The following SYTL5 variants were observed in gnomAD, a reference collection of about 807,000 sequenced individuals.
SYTL5 encodes synaptotagmin-like protein 5.
Under a neutral mutation model 55.9 loss-of-function variants are expected in SYTL5, and 34 were observed. The ratio of observed to expected loss-of-function variants is 0.61; its 90% CI spans 0.46 to 0.81. The LOEUF (loss-of-function observed/expected upper bound fraction) is 0.81. SYTL5 is among the 30% of genes least tolerant of loss of function. The pLI is 0.00. For synonymous variants in SYTL5, 221 were observed against 188.7 expected (o/e 1.17, Z -1.40); for missense variants, 637 against 546.7 (o/e 1.17, Z -1.65).
chrX:37,895,458 C>CCTTCCTTCCTTCCTTCCTTCCT, the SYTL5 span, among the ~76,000 whole-genome samples: 1 of 57,278 alleles, frequency 1.7e-5, no homozygotes, highest in African/African-American at 1.2e-4. Flanking sequence ...CCTTCCTTCC[C>CCTTCCTTCCTTCCTTCCTTCCT]TCCCTCCCTC....
At chrX:38,001,016 G>C in the SYTL5 span, among the ~76,000 whole-genome samples, 9 of 111,010 alleles carry the variant, frequency 8.1e-5, no homozygotes, top group Admixed American at 4.8e-4. Context: ...ATAAGCACAG[G>C]ATAGGGGTGT....
chrX:38,001,200 G>T, the SYTL5 span, among the ~76,000 whole-genome samples: 1 of 110,828 alleles, frequency 9.0e-6, no homozygotes, highest in South Asian at 3.9e-4. Flanking sequence ...TTTGATGCAG[G>T]TCTTCAATAC....
intron 2 of SYTL5, among the ~76,000 whole-genome samples, chrX:38,043,688 T>TATATAC (rs1210450618): frequency 1.5e-5 from 1 of 64,962 alleles, no homozygotes; most frequent in African/African-American, 8.3e-5. Flanking sequence ...TATATATATA[T>TATATAC]ATACATATAT....
chrX:38,046,306 T>C, intron 2 of SYTL5, among the ~76,000 whole-genome samples: 1 of 111,737 alleles, frequency 8.9e-6, no homozygotes, highest in Middle Eastern at 4.6e-3. Flanking sequence ...GACTGGGCAA[T>C]TTACAAAAGA....
At chrX:38,000,242 C>T in the SYTL5 span, among the ~76,000 whole-genome samples, 1 of 112,274 alleles carries the variant, frequency 8.9e-6, no homozygotes. Flanking sequence ...AACACAAATG[C>T]TTCTCAGTTA....
At chrX:37,994,101 G>A in the SYTL5 span, among the ~76,000 whole-genome samples, 112 of 112,160 alleles carry the variant, frequency 1.0e-3, no homozygotes, top group African/African-American at 3.6e-3. Context: ...CTCTCAAAAG[G>A]AAGTTCCAGT....
the SYTL5 span, among the ~76,000 whole-genome samples, chrX:37,980,626 C>T: frequency 3.6e-5 from 4 of 112,208 alleles, no homozygotes; most frequent in East Asian, 1.1e-3. Flanking sequence ...AATGGAAACT[C>T]CACTTAGGAC....
At chrX:38,119,658 G>C (rs1375222450) in intron 13 of SYTL5, among the ~76,000 whole-genome samples, 2 of 112,030 alleles carry the variant, frequency 1.8e-5, no homozygotes, top group Non-Finnish European at 3.8e-5. Flanking sequence ...TACAAGTTTT[G>C]TGTGGATATA....
At chrX:37,904,614 G>C in the SYTL5 span, among the ~76,000 whole-genome samples, 1 of 111,432 alleles carries the variant, frequency 9.0e-6, no homozygotes, top group Non-Finnish European at 1.9e-5. Context: ...CTATGTGTTA[G>C]GCCATGTGCT....
the SYTL5 span, among the ~76,000 whole-genome samples, chrX:37,997,268 G>C: frequency 8.9e-6 from 1 of 112,216 alleles, no homozygotes; most frequent in Non-Finnish European, 1.9e-5. Flanking sequence ...TGGGAGCCCT[G>C]TCCCTTTCAA....
At chrX:38,115,711 C>A (rs1366635075) in intron 13 of SYTL5, among the ~76,000 whole-genome samples, 1 of 110,897 alleles carries the variant, frequency 9.0e-6, no homozygotes. Flanking sequence ...ACACTTTTGG[C>A]CATTTGTATG....
the SYTL5 span, among the ~76,000 whole-genome samples, chrX:37,972,115 C>A: frequency 9.1e-6 from 1 of 110,208 alleles, no homozygotes; most frequent in African/African-American, 3.3e-5. Context: ...GTCAACCCCC[C>A]AGACACTCCC....
At chrX:37,943,764 C>T in the SYTL5 span, among the ~76,000 whole-genome samples, 1 of 111,276 alleles carries the variant, frequency 9.0e-6, no homozygotes, top group Non-Finnish European at 1.9e-5. Flanking sequence ...TTCTGTCTGG[C>T]AGTGTGGTCT....
At chrX:38,056,994 C>CTATT (rs1229777255) in intron 3 of SYTL5, among the ~76,000 whole-genome samples, 3 of 111,693 alleles carry the variant, frequency 2.7e-5, no homozygotes, top group Non-Finnish European at 5.7e-5. Flanking sequence ...TGATATGATC[C>CTATT]TATTTGTTCA....
upstream of SYTL5, among the ~76,000 whole-genome samples, chrX:38,003,086 G>C (rs1933898216): frequency 9.0e-6 from 1 of 111,548 alleles, no homozygotes; most frequent in African/African-American, 3.3e-5. Context: ...TTCTACATAT[G>C]GCTAGCCAGT....
the SYTL5 span, among the ~76,000 whole-genome samples, chrX:37,954,269 T>C: frequency 9.0e-6 from 1 of 111,561 alleles, no homozygotes; most frequent in Admixed American, 9.5e-5. Flanking sequence ...AGGAACTGAC[T>C]GAAGGTAAGG....
chrX:38,037,637 C>G (rs1470497935), intron 2 of SYTL5, among the ~76,000 whole-genome samples: 3 of 111,449 alleles, frequency 2.7e-5, no homozygotes, highest in African/African-American at 9.8e-5. Flanking sequence ...GCATCTTGGT[C>G]AGATAATATA....
the SYTL5 span, among the ~76,000 whole-genome samples, chrX:37,899,994 T>A: frequency 8.9e-6 from 1 of 112,346 alleles, no homozygotes; most frequent in Non-Finnish European, 1.9e-5. Flanking sequence ...CTTCATTATA[T>A]CATATTCAGT....
chrX:38,043,667 A>G (rs1407996280), intron 2 of SYTL5, among the ~76,000 whole-genome samples: 3 of 67,020 alleles, frequency 4.5e-5, no homozygotes, highest in Non-Finnish European at 7.3e-5. Context: ...GTATGTATAT[A>G]TATATATATA....
Sources: allele counts gnomAD v4.1 joint callset (sites outside exome capture counted in the v4.1 genomes callset), GRCh38; gene constraint gnomAD v4.1.1; transcripts MANE v1.5; gene names NCBI Gene and HGNC (gene_info 2026-07-23, HGNC 2026-07-21).